SHB: variants seen among roughly 807,000 people sequenced by gnomAD.
The protein encoded by SHB is SH2 domain containing adaptor protein B, also known as SH2 domain-containing adapter protein B.
A neutral mutation model predicts 52.3 loss-of-function variants in SHB; 20 were observed. The observed-to-expected ratio is 0.38, with a 90% CI of 0.27 to 0.56. SHB has a LOEUF of 0.56. Among genes scored for constraint, SHB ranks in the 20% least tolerant of loss-of-function variants. The pLI, the probability that SHB is intolerant of heterozygous loss-of-function variation, is 0.71. For synonymous variants in SHB, 397 were observed against 316.5 expected, an observed-to-expected ratio of 1.25 and a Z score of -2.70; for missense variants, 825 against 723.3, an observed-to-expected ratio of 1.14 and a Z score of -1.61.
At chr9:38,015,236 C>T (rs908524697) in intron 2 of SHB, 2 of 593,342 alleles carry the variant, frequency 3.4e-6, no homozygotes, top group African/African-American at 3.7e-5. Context: ...GAAGCCACAA[C>T]AGGGGTTTCC....
chr9:37,939,448 G>C (rs757160435), intron 5 of SHB, among the ~76,000 whole-genome samples: 5 of 152,206 alleles, frequency 3.3e-5, no homozygotes, highest in South Asian at 2.1e-4. Flanking sequence ...GCTCCTTGAG[G>C]GCTGGACCCA....
chr9:37,964,361 G>C (rs1217909918), intron 3 of SHB, among the ~76,000 whole-genome samples: 1 of 152,192 alleles, frequency 6.6e-6, no homozygotes, highest in African/African-American at 2.4e-5. Context: ...GGGACGGCGG[G>C]CCTGGCAGAA....
Position 38,068,591 on chromosome 9 carries a change from G to C in SHB, c.55C>G (p.Pro19Ala), listed in dbSNP as rs747667057. The change falls in exon 1 of 6, where the codon CCC becomes GCC. Residue 19 changes from proline (P) to alanine (A), a missense_variant. By Grantham distance (27) the Pro-to-Ala change is conservative (BLOSUM62 -1). Transcript: ENST00000377707. ...FSLGNSKTKS[P>A]PQPPRPDYRE... ...TAGTCTGGCCGCGGCGGCTGCGGGGGGCTCTTGGTCTTGCTGTTGCCCAAG... is the reference window on the plus strand; with the variant it reads ...TAGTCTGGCCGCGGCGGCTGCGGGGCGCTCTTGGTCTTGCTGTTGCCCAAG... 12 of 1,495,278 alleles carry C rather than the reference G, an allele frequency of 8.0e-6. No homozygotes were observed. The African/African-American group carries it at 8.8e-5, about 11-fold the overall frequency. 92.6% of individuals were successfully genotyped at this position (1,495,278 alleles called of 1,614,324 possible). A position where few individuals can be genotyped will look rare whatever the true frequency, so the allele number is the denominator to read the frequency against.
chr9:37,960,782 TC>T (rs1832684961), intron 3 of SHB, among the ~76,000 whole-genome samples: 1 of 152,106 alleles, frequency 6.6e-6, no homozygotes, highest in South Asian at 2.1e-4. Context: ...CTAGCTTAGC[TC>T]TATCCCTCCT....
intron 1 of SHB, among the ~76,000 whole-genome samples, chr9:38,033,705 C>T (rs1821446883): frequency 1.3e-5 from 2 of 152,070 alleles, no homozygotes; most frequent in African/African-American, 2.4e-5. Flanking sequence ...ATCCTGGGTC[C>T]CACAACTAGA....
At position 37,955,895 on chromosome 9, in the gene SHB, A is replaced by G. The variant is rs1246206400; in HGVS notation, c.1214T>C (p.Leu405Pro). Residue 405 changes from leucine (L) to proline (P), a missense_variant, in exon 4 of 6, where the codon CTG becomes CCG. Transcript: ENST00000377707. ...LGERVDPAVP[L>P]EKQIWYHGAI... ...CCCAAGAACTTACATTTGCTTCTCCAGGGGGACGGCAGGATCCACCCTTTC... is the reference window on the plus strand; with the variant it reads ...CCCAAGAACTTACATTTGCTTCTCCGGGGGGACGGCAGGATCCACCCTTTC... The G allele has an allele frequency of 6.2e-7, 1 of 1,613,622 alleles. No individual in the cohort carries two copies. The highest frequency in any genetic ancestry group is 8.5e-7 in the Non-Finnish European group (1 of 1,179,770).
chr9:37,943,748 G>A (rs1418959702), intron 5 of SHB, among the ~76,000 whole-genome samples: 1 of 152,146 alleles, frequency 6.6e-6, no homozygotes, highest in Non-Finnish European at 1.5e-5. Context: ...AGCAGAACTG[G>A]AGGCCACAGC....
chr9:37,924,546 A>C (rs1832223079), intron 5 of SHB, among the ~76,000 whole-genome samples: 1 of 152,214 alleles, frequency 6.6e-6, no homozygotes, highest in Non-Finnish European at 1.5e-5. Context: ...CTCCAGACAC[A>C]GAGGGGATTT....
chr9:38,032,154 C>T (rs550404017), intron 1 of SHB, among the ~76,000 whole-genome samples: 10 of 152,326 alleles, frequency 6.6e-5, no homozygotes, highest in African/African-American at 2.2e-4. Context: ...ACGATGCTTA[C>T]AGAGGGGGCA....
chr9:37,947,111 G>A (rs578122532), intron 5 of SHB, among the ~76,000 whole-genome samples: 52 of 152,244 alleles, frequency 3.4e-4, no homozygotes, highest in Middle Eastern at 3.4e-3. Flanking sequence ...AACTTTCCTC[G>A]GCTGCCATAA....
Position 38,068,642 on chromosome 9 carries a change from C to T in SHB, c.4G>A (p.Ala2Thr). The change falls in exon 1 of 6, where the codon GCC becomes ACC. Residue 2 changes from alanine to threonine, a missense_variant. By Grantham distance (58) the Ala-to-Thr change is moderately conservative. Transcript: ENST00000377707. M[A>T]KWLNKYFSLG... ...CTGAAGTACTTGTTTAGCCACTTGG[C>T]CATGGCGAGAGGCCGCCTAGGGCCG... is the stretch of plus-strand genomic sequence containing the variant. The T allele has an allele frequency of 1.4e-6, 2 of 1,437,398 alleles. No homozygotes were observed. The highest frequency in any genetic ancestry group is 2.7e-5 in the Admixed American group (1 of 36,632). The allele number at this position is 1,437,398 out of a possible 1,614,324, so 89.0% of individuals were successfully genotyped here. A position where few individuals can be genotyped will look rare whatever the true frequency, so the allele number is the denominator to read the frequency against.
At chr9:38,062,128 C>T (rs1225560184) in intron 1 of SHB, among the ~76,000 whole-genome samples, 1 of 152,172 alleles carries the variant, frequency 6.6e-6, no homozygotes, top group Non-Finnish European at 1.5e-5. Flanking sequence ...AGACATGTAA[C>T]ATATATTCCA....
intron 1 of SHB, among the ~76,000 whole-genome samples, chr9:38,038,992 G>A (rs912079538): frequency 2.0e-5 from 3 of 152,216 alleles, no homozygotes; most frequent in South Asian, 2.1e-4. Context: ...ACTGTCAGCC[G>A]TGAAGAAAAA....
intron 1 of SHB, among the ~76,000 whole-genome samples, chr9:38,050,867 AG>A (rs1247647809): frequency 3.3e-5 from 5 of 151,672 alleles, no homozygotes; most frequent in African/African-American, 1.2e-4. Context: ...ACAAAAAAAA[AG>A]AGAGATTTCT....
chr9:38,040,448 A>G (rs1266153813), intron 1 of SHB, among the ~76,000 whole-genome samples: 1 of 152,214 alleles, frequency 6.6e-6, no homozygotes, highest in African/African-American at 2.4e-5. Flanking sequence ...GCACCCATGC[A>G]GTGCAGTGGA....
intron 2 of SHB, among the ~76,000 whole-genome samples, chr9:38,013,001 C>G (rs1026506025): frequency 6.6e-6 from 1 of 151,898 alleles, no homozygotes; most frequent in Non-Finnish European, 1.5e-5. Flanking sequence ...GATGGCTCAT[C>G]CTACCCATAT....
At chr9:37,982,995 G>C (rs1820757482) in intron 2 of SHB, among the ~76,000 whole-genome samples, 1 of 136,304 alleles carries the variant, frequency 7.3e-6, no homozygotes, top group Non-Finnish European at 1.5e-5. Context: ...ATCTTTTCCA[G>C]CTGTGCTGGC....
intron 4 of SHB, among the ~76,000 whole-genome samples, chr9:37,951,861 G>A (rs958443627): frequency 1.2e-4 from 19 of 152,260 alleles, no homozygotes; most frequent in African/African-American, 4.3e-4. Flanking sequence ...CTGTCAGCAG[G>A]AGGCTGGAGA....
Position 38,068,339 on chromosome 9 carries a change from G to C in SHB, c.307C>G (p.Leu103Val). 1.3e-6 allele frequency: 2 copies of C among 1,549,700 alleles called. No homozygotes were observed. Among genetic ancestry groups the C allele is most frequent in the South Asian group, 2.4e-5 (2 of 83,570 alleles). Reference protein sequence around the residue: ...EDPYNGPGSSLRKLRAMCRLD... With the variant: ...EDPYNGPGSSVRKLRAMCRLD... ...CGGCACATGGCGCGCAGTTTGCGCA[G>C]CGACGAGCCAGGCCCGTTGTAGGGG... The change falls in exon 1 of 6, where the codon CTG (leucine) becomes GTG (valine). Residue 103 changes from leucine to valine, a missense_variant. Leu to Val is a conservative substitution (Grantham distance 32, BLOSUM62 1). Coordinates refer to ENST00000377707, the MANE Select transcript of SHB (RefSeq NM_003028.3).
Sources: allele counts gnomAD v4.1 joint callset (sites outside exome capture counted in the v4.1 genomes callset), GRCh38; gene constraint gnomAD v4.1.1; transcripts MANE v1.5; gene names NCBI Gene and HGNC (gene_info 2026-07-23, HGNC 2026-07-21).